The following RSPO2 variants were observed in gnomAD, a reference collection of about 807,000 sequenced individuals.
The protein encoded by RSPO2 is R-spondin 2, also known as R-spondin-2.
RSPO2 carries 14 observed loss-of-function variants against 30.9 expected under a neutral mutation model. That is an observed-to-expected ratio of 0.45 (90% confidence interval 0.30 to 0.71). RSPO2 has a LOEUF of 0.71. RSPO2 is among the 30% of genes least tolerant of loss of function. The pLI, the probability that RSPO2 is intolerant of heterozygous loss-of-function variation, is 0.08. For missense variants in RSPO2, 264 were observed against 301.9 expected, an observed-to-expected ratio of 0.87 and a Z score of 0.93; for synonymous variants, 107 against 96.4, an observed-to-expected ratio of 1.11 and a Z score of -0.64.
chr8:107,903,178 A>G (rs770200728), intron 5 of RSPO2, among the ~76,000 whole-genome samples: 1 of 152,184 alleles, frequency 6.6e-6, no homozygotes, highest in Non-Finnish European at 1.5e-5. Flanking sequence ...AAAAATCATT[A>G]CTGACTACAT....
chr8:108,014,115 G>C (rs1005645377), intron 2 of RSPO2, among the ~76,000 whole-genome samples: 1 of 152,218 alleles, frequency 6.6e-6, no homozygotes, highest in Non-Finnish European at 1.5e-5. Flanking sequence ...GGTCATTAGA[G>C]AAATGCAAAT....
At chr8:107,983,848 A>C in intron 3 of RSPO2, 1 of 1,591,566 alleles carries the variant, frequency 6.3e-7, no homozygotes, top group South Asian at 1.1e-5. Flanking sequence ...ACCTGGCAGA[A>C]GTTTGCAGCA....
chr8:107,937,098 T>C (rs1430683804), intron 5 of RSPO2, among the ~76,000 whole-genome samples: 1 of 152,130 alleles, frequency 6.6e-6, no homozygotes, highest in African/African-American at 2.4e-5. Flanking sequence ...CCTATTTTTT[T>C]ACTAGTAGTT....
intron 2 of RSPO2, among the ~76,000 whole-genome samples, chr8:108,060,825 C>G (rs775914632): frequency 6.6e-6 from 1 of 151,842 alleles, no homozygotes; most frequent in African/African-American, 2.4e-5. Context: ...ATCAGACTAA[C>G]AGCAGATCTC....
intron 5 of RSPO2, among the ~76,000 whole-genome samples, chr8:107,929,368 T>C (rs1472029710): frequency 1.3e-5 from 2 of 152,146 alleles, no homozygotes; most frequent in African/African-American, 4.8e-5. Flanking sequence ...AGAAATTACA[T>C]CCACAATTCT....
chr8:107,903,493 TG>T (rs1786871082), intron 5 of RSPO2, among the ~76,000 whole-genome samples: 2 of 152,244 alleles, frequency 1.3e-5, no homozygotes, highest in African/African-American at 4.8e-5. Flanking sequence ...CTGAAGTAAT[TG>T]TCAATATTAA....
chr8:107,944,835 C>A (rs1382544777), intron 5 of RSPO2, among the ~76,000 whole-genome samples: 1 of 152,052 alleles, frequency 6.6e-6, no homozygotes, highest in Non-Finnish European at 1.5e-5. Flanking sequence ...CTCATGCATA[C>A]AAAATCCCTG....
chr8:107,934,508 G>T (rs891112458), intron 5 of RSPO2, among the ~76,000 whole-genome samples: 8 of 152,042 alleles, frequency 5.3e-5, no homozygotes, highest in African/African-American at 1.9e-4. Flanking sequence ...AAGTAGCTGG[G>T]ATTACAGGCA....
At chr8:107,927,296 G>T (rs1309224568) in intron 5 of RSPO2, among the ~76,000 whole-genome samples, 1 of 152,164 alleles carries the variant, frequency 6.6e-6, no homozygotes, top group Non-Finnish European at 1.5e-5. Context: ...GAGATTTTGG[G>T]CTGAGAAGAT....
At chr8:108,070,217 A>C (rs1563590298) in intron 2 of RSPO2, among the ~76,000 whole-genome samples, 2 of 151,458 alleles carry the variant, frequency 1.3e-5, no homozygotes, top group African/African-American at 4.9e-5. Flanking sequence ...TCAGCTACTC[A>C]GGAAGCTAAG....
At chr8:107,926,183 T>G (rs1330922925) in intron 5 of RSPO2, among the ~76,000 whole-genome samples, 2 of 152,158 alleles carry the variant, frequency 1.3e-5, no homozygotes, top group South Asian at 2.1e-4. Flanking sequence ...TCATGTGTTT[T>G]TTGGCTGCAT....
rs1210352131 is a variant in RSPO2, at chr8:108,033,059, A to G, written c.95-43815T>C. Among the ~76,000 whole-genome samples, 21 of 150,290 alleles carry G rather than the reference A, an allele frequency of 1.4e-4. 1 individual carries two copies. The highest frequency in any genetic ancestry group is 2.4e-4 in the Non-Finnish European group (16 of 67,408). ...AGCAAGACTCTGTCTCAAAAAAAAA[A>G]AAAAAAAAAAAAAAAAAAATTTGTA... On this transcript the variant is annotated intron_variant, in intron 2 of 5. Coordinates refer to ENST00000276659, the MANE Select transcript of RSPO2 (RefSeq NM_178565.5).
rs761066938 is a variant in RSPO2 at position 107,992,202 on chromosome 8, C to CACACAT, written c.95-2959_95-2958insATGTGT. On this transcript the variant is annotated intron_variant, in intron 2 of 5. Transcript: ENST00000276659. ...ACACACACACACACACACACACACA[C>CACACAT]ACCATGGAATACTATACAGCCATAA... Among the ~76,000 whole-genome samples, 963 of 151,870 alleles carry CACACAT rather than the reference C, an allele frequency of 6.3e-3. 12 individuals carry two copies. Among genetic ancestry groups the CACACAT allele is most frequent in the African/African-American group, 0.021 (883 of 41,348 alleles).
intron 2 of RSPO2, among the ~76,000 whole-genome samples, chr8:108,026,740 C>A (rs1289729408): frequency 1.3e-5 from 2 of 152,016 alleles, no homozygotes; most frequent in Non-Finnish European, 2.9e-5. Context: ...GTGGCAGATG[C>A]CTGTAGTCCC....
chr8:107,985,440 G>C (rs1463915552), intron 3 of RSPO2, among the ~76,000 whole-genome samples: 1 of 152,142 alleles, frequency 6.6e-6, no homozygotes, highest in Non-Finnish European at 1.5e-5. Context: ...TAACCATTCA[G>C]TAGAATATTT....
chr8:107,926,878 A>G (rs1222988581), intron 5 of RSPO2, among the ~76,000 whole-genome samples: 12 of 152,206 alleles, frequency 7.9e-5, no homozygotes, highest in African/African-American at 1.7e-4. Context: ...TAGCAATGCG[A>G]GCTCTTTTTT....
At chr8:108,021,183 T>C (rs1464726848) in intron 2 of RSPO2, among the ~76,000 whole-genome samples, 1 of 152,224 alleles carries the variant, frequency 6.6e-6, no homozygotes, top group Non-Finnish European at 1.5e-5. Context: ...TCAACCATTT[T>C]GAACAATTTT....
chr8:107,915,938 T>G (rs1811968803), intron 5 of RSPO2, among the ~76,000 whole-genome samples: 1 of 152,112 alleles, frequency 6.6e-6, no homozygotes, highest in African/African-American at 2.4e-5. Flanking sequence ...TGTGTCTACT[T>G]ATTAGGCCCT....
intron 5 of RSPO2, among the ~76,000 whole-genome samples, chr8:107,913,321 C>G (rs1000329715): frequency 1.3e-5 from 2 of 152,270 alleles, no homozygotes; most frequent in African/African-American, 4.8e-5. Context: ...ACCCCATGAA[C>G]TGGTCATTCC....
Sources: allele counts gnomAD v4.1 joint callset (sites outside exome capture counted in the v4.1 genomes callset), GRCh38; gene constraint gnomAD v4.1.1; transcripts MANE v1.5; gene names NCBI Gene and HGNC (gene_info 2026-07-23, HGNC 2026-07-21).